The following HAUS7 variants were observed in gnomAD, a reference collection of about 807,000 sequenced individuals.
HAUS7 encodes the protein HAUS augmin-like complex subunit 7.
HAUS7 carries 3 observed loss-of-function variants against 28.4 expected under a neutral mutation model. The observed-to-expected ratio is 0.11, with a 90% CI of 0.05 to 0.27. HAUS7 has a LOEUF of 0.27. Ranked by LOEUF, HAUS7 falls within the 10% of genes least tolerant of loss-of-function variation. HAUS7 has a pLI of 1.00. For synonymous variants in HAUS7, 165 were observed against 132.1 expected, an observed-to-expected ratio of 1.25 and a Z score of -1.71; for missense variants, 284 against 297.3, an observed-to-expected ratio of 0.96 and a Z score of 0.33.
At position 153,462,248 on chromosome X, in the gene HAUS7, C is replaced by T. The variant is rs1309204114; in HGVS notation, c.354+362G>A. The T allele has an allele frequency of 4.1e-6, 3 of 729,992 alleles. No individual in the cohort carries two copies. In the African/African-American group the frequency reaches 7.0e-5, roughly 17 times the overall value. The allele number at this position is 729,992 out of a possible 1,213,427, so 60.2% of individuals were successfully genotyped here. A position where few individuals can be genotyped will look rare whatever the true frequency, so the allele number is the denominator to read the frequency against. On this transcript the variant is annotated intron_variant, in intron 4 of 9. Coordinates refer to ENST00000370211, the MANE Select transcript of HAUS7 (RefSeq NM_001385482.1). ...GATGAGGGACCTCGGGAGAAACTCT[C>T]GGGCCACAAGGGCTTGGGAGCCAGG...
chrX:153,484,402 G>C (rs2089621996), intron 1 of HAUS7, among the ~76,000 whole-genome samples: 1 of 112,558 alleles, frequency 8.9e-6, no homozygotes, highest in Admixed American at 9.3e-5. Context: ...GGGACAGCTA[G>C]GTAGAGATGC....
chrX:153,449,479 C>T (rs887810268), intron 9 of HAUS7, among the ~76,000 whole-genome samples: 1 of 112,813 alleles, frequency 8.9e-6, no homozygotes, highest in African/African-American at 3.2e-5. Flanking sequence ...CTGTGTCCCT[C>T]GTGTGGCATC....
At chrX:153,481,751 G>T in intron 1 of HAUS7, 1 of 730,506 alleles carries the variant, frequency 1.4e-6, no homozygotes, top group Non-Finnish European at 1.6e-6. Context: ...TCTGGTGTGG[G>T]AGGTACAGAG....
chrX:153,447,785 C>T lies in HAUS7; in HGVS notation c.*93G>A. Reference sequence around the variant, plus strand: ...GTGGGGCTGCAACGGCTTCTGCTGCCACAATCATCCATCCTCGGCCAACTC... The same window carrying T: ...GTGGGGCTGCAACGGCTTCTGCTGCTACAATCATCCATCCTCGGCCAACTC... On this transcript the variant is annotated 3_prime_UTR_variant, in exon 10 of 10. Transcript: ENST00000370211. 2 of 751,281 alleles carry T rather than the reference C, an allele frequency of 2.7e-6. No homozygotes were observed. Among genetic ancestry groups the T allele is most frequent in the Non-Finnish European group, 4.2e-6 (2 of 473,718 alleles). 61.9% of individuals were successfully genotyped at this position (751,281 alleles called of 1,213,427 possible).
chrX:153,456,157 G>A (rs782149347), intron 7 of HAUS7, 108 bp downstream of exon 7: 1 of 587,175 alleles, frequency 1.7e-6, no homozygotes, highest in South Asian at 2.6e-5. Flanking sequence ...TCTAGAACAT[G>A]TCAGGCCCGG....
chrX:153,455,515 T>G, intron 8 of HAUS7, 27 bp downstream of exon 8: 1 of 984,150 alleles, frequency 1.0e-6, no homozygotes, highest in South Asian at 1.9e-5. Context: ...AGGGGGCGGT[T>G]AGAGGGGAGG....
At chrX:153,475,368 C>A (rs1429149371), upstream of HAUS7, among the ~76,000 whole-genome samples, 1 of 111,097 alleles carries the variant, frequency 9.0e-6, no homozygotes. Flanking sequence ...TGTTCCCCTT[C>A]CCTCCTTTTT....
At chrX:153,473,260 C>T (rs1227778948), upstream of HAUS7, among the ~76,000 whole-genome samples, 1 of 112,802 alleles carries the variant, frequency 8.9e-6, no homozygotes, top group Non-Finnish European at 1.9e-5. Context: ...AAAGACACCG[C>T]GAATCAAAGG....
rs191742587 is a variant in HAUS7 at position 153,454,104 on chromosome X, C to T, written c.1045+290G>A. Reference sequence around the variant, plus strand: ...CTGGGATTACAGGCATGAGCCACCGCGCCTGGCCCAAGTTACATTTTTAAT... The same window carrying T: ...CTGGGATTACAGGCATGAGCCACCGTGCCTGGCCCAAGTTACATTTTTAAT... On this transcript the variant is annotated intron_variant, in intron 9 of 9. Coordinates refer to ENST00000370211, the MANE Select transcript of HAUS7 (RefSeq NM_001385482.1). Among the ~76,000 whole-genome samples the T allele has an allele frequency of 2.9e-3, 327 of 112,206 alleles. 2 individuals are homozygous for T. The highest frequency in any genetic ancestry group is 9.8e-3 in the African/African-American group (303 of 30,901).
chrX:153,459,609 TG>T (rs782625497), intron 4 of HAUS7, among the ~76,000 whole-genome samples: 1 of 112,011 alleles, frequency 8.9e-6, no homozygotes, highest in Non-Finnish European at 1.9e-5. Context: ...ACCCAAGTCT[TG>T]GGTGACTGCT....
At chrX:153,463,037 G>A (rs1472173197) in intron 3 of HAUS7, 6 of 371,561 alleles carry the variant, frequency 1.6e-5, no homozygotes, top group East Asian at 7.0e-5. Flanking sequence ...TGGACTCACC[G>A]CTCCCATCTG....
At chrX:153,486,520 C>A in intron 1 of HAUS7, 1 of 603,571 alleles carries the variant, frequency 1.7e-6, no homozygotes, top group Non-Finnish European at 2.4e-6. Context: ...TTCTGTGGCT[C>A]GGTCTTACTG....
At chrX:153,481,960 C>T (rs1320917454) in intron 1 of HAUS7, 13 of 410,644 alleles carry the variant, frequency 3.2e-5, no homozygotes, top group Non-Finnish European at 3.7e-5. Context: ...TCTCGGGGGC[C>T]GGGGCTGGGG....
chrX:153,451,093 T>G (rs1349785937), intron 9 of HAUS7, among the ~76,000 whole-genome samples: 1 of 112,085 alleles, frequency 8.9e-6, no homozygotes, highest in Non-Finnish European at 1.9e-5. Flanking sequence ...ACCCCCAAAG[T>G]GGCCGGGGCT....
intron 4 of HAUS7, among the ~76,000 whole-genome samples, chrX:153,459,210 C>T (rs1345599370): frequency 2.7e-5 from 3 of 111,963 alleles, no homozygotes; most frequent in African/African-American, 3.3e-5. Flanking sequence ...AACGTCTATT[C>T]GGACACTTTG....
chrX:153,487,877 C>G (rs2089648445), intron 1 of HAUS7, among the ~76,000 whole-genome samples: 1 of 112,807 alleles, frequency 8.9e-6, no homozygotes, highest in African/African-American at 3.2e-5. Context: ...TCTGCGGAGC[C>G]CTCGAAGGCC....
intron 2 of HAUS7, among the ~76,000 whole-genome samples, chrX:153,468,250 C>T (rs1283833745): frequency 8.9e-6 from 1 of 112,554 alleles, no homozygotes; most frequent in Non-Finnish European, 1.9e-5. Context: ...GCTCTACTGC[C>T]AGGCTCCCGC....
rs1383943939 is a variant in HAUS7, at chrX:153,455,888, A to G, written c.706-122T>C. ...AGAAAGCTTTCAGAAACAGGGACAC[A>G]GGGGAGCTGTACCGAGCGACTCAGG... On this transcript the variant is annotated intron_variant, in intron 7 of 9. Coordinates refer to ENST00000370211, the MANE Select transcript of HAUS7 (RefSeq NM_001385482.1). The G allele has an allele frequency of 1.2e-5, 6 of 480,817 alleles. No homozygotes were observed. The East Asian group carries it at 2.2e-4, about 17-fold the overall frequency. The allele number at this position is 480,817 out of a possible 1,213,427, so 39.6% of individuals were successfully genotyped here.
intron 9 of HAUS7, among the ~76,000 whole-genome samples, chrX:153,451,926 T>C (rs1280349754): frequency 8.9e-6 from 1 of 111,766 alleles, no homozygotes; most frequent in Non-Finnish European, 1.9e-5. Flanking sequence ...CCTGGCTGAG[T>C]GTTGATGAAA....
Sources: gnomAD v4.1 joint callset for allele counts (sites outside exome capture counted in the v4.1 genomes callset) on GRCh38, gnomAD v4.1.1 for gene constraint, MANE v1.5 for transcripts, NCBI Gene and HGNC (gene_info 2026-07-23, HGNC 2026-07-21) for gene names.